TPM3: variants seen among roughly 807,000 people sequenced by gnomAD.
TPM3 encodes tropomyosin alpha-3 chain.
In TPM3, 16 loss-of-function variants were observed where a neutral mutation model predicts 43.1. The observed-to-expected ratio is 0.37, with a 90% CI of 0.25 to 0.56. The LOEUF (loss-of-function observed/expected upper bound fraction) is 0.56. Among genes scored for constraint, TPM3 ranks in the 20% least tolerant of loss-of-function variants. The probability of loss-of-function intolerance (pLI) is 0.77; values close to 1 mark genes in which losing one functional copy is unlikely to be tolerated. For synonymous variants in TPM3, 101 were observed against 116.9 expected (o/e 0.86, Z 0.88); for missense variants, 176 against 337.2 (o/e 0.52, Z 3.74).
chr1:154,172,513 A>T (rs776180778), intron 5 of TPM3: 1 of 496,700 alleles, frequency 2.0e-6, no homozygotes, highest in Non-Finnish European at 4.0e-6. Context: ...CTGCCTTGGC[A>T]TACTAAGTAG....
In TPM3 at chr1:154,170,305, C is replaced by A. The variant is rs12751519; in HGVS notation, c.775+95G>T. 5.8e-5 allele frequency: 81 copies of A among 1,399,620 alleles called. 1 individual carries two copies. Among genetic ancestry groups the A allele is most frequent in the Non-Finnish European group, 7.7e-5 (76 of 990,092 alleles). 86.7% of individuals were successfully genotyped at this position (1,399,620 alleles called of 1,614,324 possible). On this transcript the variant is annotated intron_variant, in intron 8 of 9. Transcript: ENST00000651641. ...GATATTAATACATGCCAAGTCACTA[C>A]CAACTTCCTTTGGTGTACAGAAAAA...
chr1:154,155,463 G>C (rs180733766), downstream of TPM3: 3 of 243,166 alleles, frequency 1.2e-5, no homozygotes, highest in Non-Finnish European at 2.4e-5. Context: ...TGCAGTCTCT[G>C]GGATAAACAG....
chr1:154,155,371 A>C (rs1195988961), downstream of TPM3: 4 of 351,680 alleles, frequency 1.1e-5, no homozygotes, highest in East Asian at 4.8e-5. Context: ...GTTTATCTTA[A>C]CACCACACCC....
In TPM3 at chr1:154,169,208, C is replaced by T. The variant is rs145727281; in HGVS notation, c.854+97G>A. On this transcript the variant is annotated intron_variant, in intron 9 of 9. Transcript: ENST00000651641. ...AAGATAAGGGTGGAGATTCTAGTTT[C>T]CAAAGGATAAAACCAAAGCACACCA... The T allele has an allele frequency of 1.6e-5, 20 of 1,241,884 alleles. No homozygotes were observed. In the African/African-American group the frequency reaches 3.0e-4, roughly 18 times the overall value. The allele number at this position is 1,241,884 out of a possible 1,614,324, so 76.9% of individuals were successfully genotyped here. A position where few individuals can be genotyped will look rare whatever the true frequency, so the allele number is the denominator to read the frequency against.
chr1:154,175,492 G>A lies in TPM3; in HGVS notation c.377+623C>T, dbSNP rs1571416197. 2.0e-5 allele frequency among the ~76,000 whole-genome samples: 3 copies of A among 152,120 alleles called. No homozygotes were observed. The South Asian group carries it at 6.2e-4, about 32-fold the overall frequency. ...CACCCCTACCTATGATTCTAATAAT[G>A]CAACCAGCGTTGAGAAGGCTTACTA... On this transcript the variant is annotated intron_variant, in intron 3 of 9. Coordinates refer to ENST00000651641, the MANE Select transcript of TPM3 (RefSeq NM_152263.4).
chr1:154,166,543 A>G lies in TPM3; in HGVS notation c.*1394T>C. On this transcript the variant is annotated 3_prime_UTR_variant, in exon 10 of 10. Transcript: ENST00000651641. ...AGGCAGTACAGGCAAGTGCCATTGC[A>G]CCCAGCTAAAAGAAAAGCAAATTTT... 9.5e-7 allele frequency: 1 copy of G among 1,057,652 alleles called. No homozygotes were observed. Among genetic ancestry groups the G allele is most frequent in the Non-Finnish European group, 1.1e-6 (1 of 874,552 alleles). The allele number at this position is 1,057,652 out of a possible 1,614,324, so 65.5% of individuals were successfully genotyped here. A position where few individuals can be genotyped will look rare whatever the true frequency, so the allele number is the denominator to read the frequency against.
rs1320739458 is a variant in TPM3, at chr1:154,163,152, A to G, written c.*4785T>C. On this transcript the variant is annotated 3_prime_UTR_variant, in exon 10 of 10. Transcript: ENST00000651641. ...GAAGTCTTTCTTCATGTCAAAGCCA[A>G]CTTCTGCCCAGGATCTGAATATTTA... Among the ~76,000 whole-genome samples, 1 of 152,130 alleles carries G rather than the reference A, an allele frequency of 6.6e-6. No individual in the cohort carries two copies. Among genetic ancestry groups the G allele is most frequent in the African/African-American group, 2.4e-5 (1 of 41,404 alleles).
Position 154,166,431 on chromosome 1 carries a change from G to T in TPM3, c.*1506C>A. ...GGTCACCATACTGATGCCAAATTTA[G>T]TGAGGACATCTGACCTGCATAGCAC... On this transcript the variant is annotated 3_prime_UTR_variant, in exon 10 of 10. Coordinates refer to ENST00000651641, the MANE Select transcript of TPM3 (RefSeq NM_152263.4). 1 of 708,102 alleles carries T rather than the reference G, an allele frequency of 1.4e-6. No individual in the cohort carries two copies. The highest frequency in any genetic ancestry group is 1.8e-6 in the Non-Finnish European group (1 of 555,170). The allele number at this position is 708,102 out of a possible 1,614,324, so 43.9% of individuals were successfully genotyped here.
chr1:154,171,635 G>T, intron 5 of TPM3, 147 bp from the exon 6 acceptor site: 1 of 875,230 alleles, frequency 1.1e-6, no homozygotes, highest in Non-Finnish European at 1.8e-6. Context: ...AGTAACCTGA[G>T]CAAGCATCAA....
At chr1:154,187,196 A>T in intron 2 of TPM3, 1 of 575,132 alleles carries the variant, frequency 1.7e-6, no homozygotes, top group Non-Finnish European at 2.2e-6. Flanking sequence ...TCCAACTTTT[A>T]GGGTCTTGTG....
Position 154,191,320 on chromosome 1 carries a change from G to A in TPM3, c.118-9C>T, listed in dbSNP as rs1663672831. ...GCCAGCTCATCCTCCAGCTATAGGAGCCCAGAGAGTCACACACAAAAACAC... is the reference window on the plus strand; with the variant it reads ...GCCAGCTCATCCTCCAGCTATAGGAACCCAGAGAGTCACACACAAAAACAC... On this transcript the variant is annotated splice_polypyrimidine_tract_variant and intron_variant, in intron 1 of 9. Coordinates refer to ENST00000651641, the MANE Select transcript of TPM3 (RefSeq NM_152263.4). The A allele has an allele frequency of 3.1e-6, 5 of 1,613,714 alleles. No homozygotes were observed. Among genetic ancestry groups the A allele is most frequent in the African/African-American group, 1.3e-5 (1 of 74,892 alleles).
intron 2 of TPM3, chr1:154,187,316 TG>T: frequency 1.0e-6 from 1 of 984,686 alleles, no homozygotes; most frequent in East Asian, 1.1e-4. Flanking sequence ...AACCCACAGG[TG>T]GTAGTTTGCT....
intron 1 of TPM3, chr1:154,191,611 T>G (rs1474419672): frequency 4.3e-6 from 6 of 1,403,828 alleles, no homozygotes; most frequent in Non-Finnish European, 4.6e-6. Flanking sequence ...AGATGCTCTT[T>G]CCCTCTAGAA....
chr1:154,178,139 G>A (rs564724505), intron 2 of TPM3: 1 of 985,402 alleles, frequency 1.0e-6, no homozygotes, highest in Middle Eastern at 5.2e-4. Flanking sequence ...AATACAACTA[G>A]ATTTAGAGGA....
chr1:154,183,328 T>G, intron 2 of TPM3: 4 of 1,459,368 alleles, frequency 2.7e-6, no homozygotes, highest in Non-Finnish European at 3.6e-6. Flanking sequence ...AGGGAGTGGA[T>G]CCTCCCAGTC....
At chr1:154,177,963 A>G (rs1174212761) in intron 2 of TPM3, among the ~76,000 whole-genome samples, 2 of 152,226 alleles carry the variant, frequency 1.3e-5, no homozygotes, top group African/African-American at 4.8e-5. Context: ...CACCACAAAG[A>G]CAAGTATTCT....
chr1:154,170,922 C>T, intron 6 of TPM3: 1 of 593,990 alleles, frequency 1.7e-6, no homozygotes, highest in Non-Finnish European at 3.0e-6. Context: ...TTAAAATTCT[C>T]CATGACTTTT....
rs1425508377 is a variant in TPM3, at chr1:154,162,408, G to GGAT, written c.*5526_*5528dup. Among the ~76,000 whole-genome samples the GGAT allele has an allele frequency of 6.6e-6, 1 of 150,872 alleles. No individual in the cohort carries two copies. The highest frequency in any genetic ancestry group is 6.6e-5 in the Admixed American group (1 of 15,110). On this transcript the variant is annotated 3_prime_UTR_variant, in exon 10 of 10. Coordinates refer to ENST00000651641, the MANE Select transcript of TPM3 (RefSeq NM_152263.4). ...AAACACAAACCAACCCCATGGAGTT[G>GGAT]GATAGTATTCAACCAACACCATGTG...
intron 3 of TPM3, 105 bp downstream of exon 3, chr1:154,176,010 A>G: frequency 6.4e-7 from 1 of 1,558,438 alleles, no homozygotes. Flanking sequence ...GTGAGCCATC[A>G]CACGCAGCCA....
Sources: allele counts gnomAD v4.1 joint callset (sites outside exome capture counted in the v4.1 genomes callset), GRCh38; gene constraint gnomAD v4.1.1; transcripts MANE v1.5; gene names NCBI Gene and HGNC (gene_info 2026-07-23, HGNC 2026-07-21).